Variants in FMN1 observed in about 807,000 individuals in gnomAD.
FMN1 encodes the protein formin 1, also known as formin-1.
A neutral mutation model predicts 132.4 loss-of-function variants in FMN1; 110 were observed. The ratio of observed to expected loss-of-function variants is 0.83; its 90% CI spans 0.71 to 0.97. FMN1 has a LOEUF of 0.97. FMN1 is among the 50% of genes least tolerant of loss of function. FMN1 has a pLI of 0.00. For missense variants in FMN1, 1,792 were observed against 1,705.3 expected, an observed-to-expected ratio of 1.05 and a Z score of -0.90; for synonymous variants, 722 against 651.7, an observed-to-expected ratio of 1.11 and a Z score of -1.64.
At chr15:32,964,013 C>T (rs200431655) in intron 9 of FMN1, 94 bp downstream of exon 9, 75 of 343,706 alleles carry the variant, frequency 2.2e-4, no homozygotes, top group Admixed American at 4.9e-4. Context: ...TGTGTATATA[C>T]GATACACACA....
rs564822338 is a variant in FMN1 at position 33,017,464 on chromosome 15, T to C, written c.2162-9389A>G. Among the ~76,000 whole-genome samples the C allele has an allele frequency of 1.8e-4, 28 of 152,166 alleles. No individual in the cohort carries two copies. The South Asian group carries it at 5.4e-3, about 29-fold the overall frequency. On this transcript the variant is annotated intron_variant, in intron 6 of 20. Coordinates refer to ENST00000616417, the MANE Select transcript of FMN1 (RefSeq NM_001277313.2). Reference sequence around the variant, plus strand: ...AATTTTTCTATCAACCTAAAACTACTCTAAAAATAGTTGATTTTTTTTTTC... The same window carrying C: ...AATTTTTCTATCAACCTAAAACTACCCTAAAAATAGTTGATTTTTTTTTTC...
chr15:32,856,053 G>C (rs1157704614), intron 17 of FMN1, among the ~76,000 whole-genome samples: 1 of 152,180 alleles, frequency 6.6e-6, no homozygotes, highest in Non-Finnish European at 1.5e-5. Flanking sequence ...TCTGCACCAA[G>C]GGAACAGCAG....
intron 16 of FMN1, among the ~76,000 whole-genome samples, chr15:32,884,567 T>G (rs1191156291): frequency 6.6e-6 from 1 of 152,196 alleles, no homozygotes; most frequent in Non-Finnish European, 1.5e-5. Context: ...TCACAGATTC[T>G]AGGGATTAGG....
intron 3 of FMN1, among the ~76,000 whole-genome samples, chr15:33,174,381 G>A (rs540363854): frequency 3.9e-4 from 59 of 152,000 alleles, no homozygotes; most frequent in African/African-American, 1.2e-3. Context: ...TACTAGATCC[G>A]ATTGATTTTA....
intron 19 of FMN1, among the ~76,000 whole-genome samples, chr15:32,789,408 A>G (rs1041297243): frequency 6.6e-6 from 1 of 152,222 alleles, no homozygotes; most frequent in Non-Finnish European, 1.5e-5. Flanking sequence ...CACTTGAGAC[A>G]TAATATTTTT....
chr15:33,065,107 T>C, intron 5 of FMN1, 33 bp from the exon 6 acceptor site: 1 of 1,470,958 alleles, frequency 6.8e-7, no homozygotes, highest in South Asian at 1.2e-5. Context: ...GTAAGTGGAA[T>C]GTAGTCAGAG....
intron 10 of FMN1, among the ~76,000 whole-genome samples, chr15:32,912,058 GA>G (rs1236433058): frequency 6.6e-6 from 1 of 152,112 alleles, no homozygotes; most frequent in Non-Finnish European, 1.5e-5. Flanking sequence ...GAGCGCATAA[GA>G]AAAGGTCAAA....
intron 20 of FMN1, among the ~76,000 whole-genome samples, chr15:32,774,761 T>C (rs1203641502): frequency 6.8e-6 from 1 of 147,400 alleles, no homozygotes; most frequent in Non-Finnish European, 1.5e-5. Context: ...AAAATTACTA[T>C]TTCCAATGAT....
chr15:33,179,419 C>A (rs1965622047), intron 3 of FMN1, among the ~76,000 whole-genome samples: 1 of 152,168 alleles, frequency 6.6e-6, no homozygotes, highest in South Asian at 2.1e-4. Flanking sequence ...CTTCCTTTTG[C>A]CTGAACTGCC....
At chr15:33,067,153 A>G in intron 5 of FMN1, 3 of 1,613,920 alleles carry the variant, frequency 1.9e-6, no homozygotes, top group Non-Finnish European at 2.5e-6. Context: ...TTGTTACTGC[A>G]GGTAGGTCTT....
chr15:33,001,305 G>C (rs1354833974), intron 7 of FMN1, among the ~76,000 whole-genome samples: 2 of 151,910 alleles, frequency 1.3e-5, no homozygotes, highest in East Asian at 3.9e-4. Flanking sequence ...AAAAAGTGTA[G>C]CAATTTACAT....
chr15:32,935,221 G>T (rs900353849), intron 9 of FMN1, among the ~76,000 whole-genome samples: 5 of 151,696 alleles, frequency 3.3e-5, no homozygotes, highest in Admixed American at 2.6e-4. Flanking sequence ...GCACCCAGCC[G>T]ATAGACAGTT....
intron 17 of FMN1, among the ~76,000 whole-genome samples, chr15:32,850,291 G>T (rs2058979412): frequency 6.6e-6 from 1 of 152,140 alleles, no homozygotes; most frequent in African/African-American, 2.4e-5. Context: ...TATTTCTGGG[G>T]GTTGAAGTGA....
At chr15:33,152,795 A>AAAAAAAAAAG (rs1164505867) in intron 4 of FMN1, among the ~76,000 whole-genome samples, 3 of 150,592 alleles carry the variant, frequency 2.0e-5, no homozygotes, top group Non-Finnish European at 4.4e-5. Flanking sequence ...TGCCAAAAAA[A>AAAAAAAAAAG]AAAAAAAAGA....
intron 16 of FMN1, among the ~76,000 whole-genome samples, chr15:32,863,421 G>A (rs555495218): frequency 4.8e-4 from 73 of 152,206 alleles, no homozygotes; most frequent in African/African-American, 1.5e-3. Flanking sequence ...GCGACAGAGC[G>A]AGACTCCATC....
rs544931373 is a variant in FMN1 at position 32,899,304 on chromosome 15, G to C, written c.3655-411C>G. Among the ~76,000 whole-genome samples, 7 of 152,234 alleles carry C rather than the reference G, an allele frequency of 4.6e-5. No individual in the cohort carries two copies. The South Asian group carries it at 1.5e-3, about 32-fold the overall frequency. ...TCTTAATGGTGTGAAAAACAATCCAGGCCAGCTTAAAAGGAGCACCACACC... is the reference window on the plus strand; with the variant it reads ...TCTTAATGGTGTGAAAAACAATCCACGCCAGCTTAAAAGGAGCACCACACC... On this transcript the variant is annotated intron_variant, in intron 14 of 20. Transcript: ENST00000616417.
chr15:32,874,916 A>C (rs1037996179), intron 16 of FMN1, among the ~76,000 whole-genome samples: 2 of 152,252 alleles, frequency 1.3e-5, no homozygotes. Flanking sequence ...AGGTTTAAAA[A>C]CACAACCAAA....
chr15:33,079,384 G>A (rs988028802), intron 5 of FMN1, among the ~76,000 whole-genome samples: 1 of 150,904 alleles, frequency 6.6e-6, no homozygotes, highest in African/African-American at 2.4e-5. Context: ...CACGCAGGAA[G>A]GCTGAGGGAG....
intron 16 of FMN1, among the ~76,000 whole-genome samples, chr15:32,876,585 G>T (rs149297959): frequency 0.012 from 1,769 of 152,292 alleles, 18 homozygotes; most frequent in Non-Finnish European, 0.019. Context: ...TCTACTCTTT[G>T]CAACTTTTCT....
Sources: gnomAD v4.1 joint callset for allele counts (sites outside exome capture counted in the v4.1 genomes callset) on GRCh38, gnomAD v4.1.1 for gene constraint, MANE v1.5 for transcripts, NCBI Gene and HGNC (gene_info 2026-07-23, HGNC 2026-07-21) for gene names.